Variants in ADAM28 observed in about 807,000 individuals in gnomAD.
ADAM28 encodes the protein disintegrin and metalloproteinase domain-containing protein 28.
A neutral mutation model predicts 101.2 loss-of-function variants in ADAM28; 105 were observed. That is an observed-to-expected ratio of 1.04 (90% confidence interval 0.89 to 1.22). The LOEUF (loss-of-function observed/expected upper bound fraction) is 1.22. Ranked by LOEUF, ADAM28 falls within the 50% of genes most tolerant of loss-of-function variation. ADAM28 has a pLI of 0.00. For missense variants in ADAM28, 1,028 were observed against 945.4 expected (o/e 1.09, Z -1.15); for synonymous variants, 322 against 310.6 (o/e 1.04, Z -0.39).
intron 5 of ADAM28, among the ~76,000 whole-genome samples, chr8:24,312,623 T>G (rs1001426047): frequency 6.6e-6 from 1 of 151,666 alleles, no homozygotes; most frequent in African/African-American, 2.4e-5. Context: ...TCACATCAAT[T>G]ATTATAATTA....
rs753683548 is a variant in ADAM28 at position 24,306,361 on chromosome 8, T to TAAATATATATATATATATATATATTTAA, written c.151-3516_151-3489dup. Among the ~76,000 whole-genome samples the TAAATATATATATATATATATATATTTAA allele has an allele frequency of 8.4e-3, 972 of 115,258 alleles. 14 individuals are homozygous for TAAATATATATATATATATATATATTTAA. The highest frequency in any genetic ancestry group is 0.029 in the East Asian group (95 of 3,292). 75.6% of individuals were successfully genotyped at this position (115,258 alleles called of 152,430 possible). Reference sequence around the variant, plus strand: ...TCCATCTCAAATACAAATAAATAAATAAATATATATATATATATATATATT... The same window carrying TAAATATATATATATATATATATATTTAA: ...TCCATCTCAAATACAAATAAATAAATAAATATATATATATATATATATATTTAAAAATATATATATATATATATATATT... On this transcript the variant is annotated intron_variant, in intron 2 of 22. Coordinates refer to ENST00000265769, the MANE Select transcript of ADAM28 (RefSeq NM_014265.6).
At chr8:24,350,007 T>C (rs1390700679) in intron 19 of ADAM28, 35 bp downstream of exon 19, 2 of 1,581,518 alleles carry the variant, frequency 1.3e-6, no homozygotes, top group Non-Finnish European at 1.7e-6. Flanking sequence ...TAGGGACTCT[T>C]TGACCCCTAT....
rs180830683 is a variant in ADAM28 at position 24,354,542 on chromosome 8, A to G, written c.*138A>G. 296 of 1,038,590 alleles carry G rather than the reference A, an allele frequency of 2.9e-4. 1 individual carries two copies. In the African/African-American group the frequency reaches 4.5e-3, roughly 16 times the overall value. The allele number at this position is 1,038,590 out of a possible 1,614,324, so 64.3% of individuals were successfully genotyped here. A position where few individuals can be genotyped will look rare whatever the true frequency, so the allele number is the denominator to read the frequency against. On this transcript the variant is annotated 3_prime_UTR_variant, in exon 23 of 23. Coordinates refer to ENST00000265769, the MANE Select transcript of ADAM28 (RefSeq NM_014265.6). ...AGGTTAACATTTTCTGATTCATGTT[A>G]GACTTTGAAGAGACTAAAGAAAATT...
intron 6 of ADAM28, among the ~76,000 whole-genome samples, chr8:24,315,032 TGAAAAA>T (rs756485959): frequency 1.1e-3 from 159 of 144,570 alleles, no homozygotes; most frequent in Non-Finnish European, 2.0e-3. Context: ...GAGGAAGAAA[TGAAAAA>T]GAAATCTATA....
intron 1 of ADAM28, among the ~76,000 whole-genome samples, chr8:24,298,175 A>G (rs1037449804): frequency 1.3e-5 from 2 of 152,306 alleles, no homozygotes; most frequent in South Asian, 4.1e-4. Flanking sequence ...CAAACTATTT[A>G]AAGACTCAAA....
In ADAM28 at chr8:24,330,090, A is replaced by G. The variant is rs778913712; in HGVS notation, c.1078A>G (p.Ile360Val). The G allele has an allele frequency of 1.9e-6, 3 of 1,613,404 alleles. No homozygotes were observed. Among genetic ancestry groups the G allele is most frequent in the South Asian group, 2.2e-5 (2 of 91,042 alleles). ...CTATTCTTGCAAGTGTCCTTCTACA[A>G]TATGTGTGATGGACAAAGCACTGAG... Reference protein sequence around the residue: ...DDYSCKCPSTICVMDKALSFY... With the variant: ...DDYSCKCPSTVCVMDKALSFY... Residue 360 changes from isoleucine to valine, a missense_variant, in exon 11 of 23, where the codon ATA (isoleucine) becomes GTA (valine). Coordinates refer to ENST00000265769, the MANE Select transcript of ADAM28 (RefSeq NM_014265.6).
chr8:24,347,713 T>C (rs1815572774), intron 18 of ADAM28, among the ~76,000 whole-genome samples: 2 of 152,124 alleles, frequency 1.3e-5, no homozygotes, highest in Non-Finnish European at 2.9e-5. Context: ...CATACAAGTT[T>C]AGAGTGTTGC....
chr8:24,308,550 T>A, intron 2 of ADAM28: 1 of 450,748 alleles, frequency 2.2e-6, no homozygotes, highest in South Asian at 1.6e-5. Context: ...TTCTCATGGC[T>A]TCATTCTAGC....
chr8:24,338,197 G>A (rs944975352), intron 14 of ADAM28, among the ~76,000 whole-genome samples: 5 of 152,026 alleles, frequency 3.3e-5, no homozygotes, highest in African/African-American at 1.2e-4. Flanking sequence ...GTGGATAACT[G>A]AAAAACATCT....
chr8:24,313,196 T>C (rs1810700909), intron 5 of ADAM28, among the ~76,000 whole-genome samples, 192 bp from the exon 6 acceptor site: 1 of 152,222 alleles, frequency 6.6e-6, no homozygotes, highest in Admixed American at 6.5e-5. Flanking sequence ...TCTTATTTCC[T>C]TGTAGAAAAT....
intron 14 of ADAM28, chr8:24,335,957 T>C: frequency 9.2e-7 from 1 of 1,084,802 alleles, no homozygotes; most frequent in African/African-American, 1.6e-5. Context: ...GTATCTGAAA[T>C]TCAAATTAAA....
In ADAM28 at chr8:24,358,685, C is replaced by T. The variant is rs1315092561; in HGVS notation, c.*4281C>T. 1.3e-5 allele frequency: 2 copies of T among 152,272 alleles called. No homozygotes were observed. The highest frequency in any genetic ancestry group is 3.9e-4 in the East Asian group (2 of 5,182). The allele number at this position is 152,272 out of a possible 1,614,324, so 9.4% of individuals were successfully genotyped here. On this transcript the variant is annotated 3_prime_UTR_variant, in exon 23 of 23. Coordinates refer to ENST00000265769, the MANE Select transcript of ADAM28 (RefSeq NM_014265.6). ...TAGGCCTGGGTGGTCTGCTACAATG[C>T]CCAACACTTAATACAGTATCACTAT...
At chr8:24,317,989 AC>A (rs1375503922) in intron 6 of ADAM28, among the ~76,000 whole-genome samples, 4 of 152,056 alleles carry the variant, frequency 2.6e-5, no homozygotes, top group African/African-American at 9.7e-5. Flanking sequence ...AGCCCTCAGA[AC>A]CAGAAGATGT....
At chr8:24,332,862 A>G (rs1355090310) in intron 13 of ADAM28, 113 bp downstream of exon 13, 2 of 533,478 alleles carry the variant, frequency 3.7e-6, no homozygotes, top group East Asian at 3.6e-5. Flanking sequence ...ATATAAAATG[A>G]TATATTTACT....
At chr8:24,317,397 A>T (rs1167756209) in intron 6 of ADAM28, among the ~76,000 whole-genome samples, 1 of 152,020 alleles carries the variant, frequency 6.6e-6, no homozygotes, top group Non-Finnish European at 1.5e-5. Flanking sequence ...ACGTTCAATT[A>T]ATTTTTGACA....
intron 18 of ADAM28, among the ~76,000 whole-genome samples, chr8:24,344,329 C>T (rs1319900498): frequency 2.6e-5 from 4 of 152,176 alleles, no homozygotes; most frequent in Non-Finnish European, 2.9e-5. Flanking sequence ...CATTGACGCT[C>T]CCCTCTCTGT....
At chr8:24,345,643 G>A (rs1299058439) in intron 18 of ADAM28, among the ~76,000 whole-genome samples, 1 of 151,954 alleles carries the variant, frequency 6.6e-6, no homozygotes, top group Non-Finnish European at 1.5e-5. Flanking sequence ...TTTTCTGAGA[G>A]TATACATTTT....
At chr8:24,300,564 C>A (rs1037768672) in intron 2 of ADAM28, among the ~76,000 whole-genome samples, 1 of 152,026 alleles carries the variant, frequency 6.6e-6, no homozygotes, top group Non-Finnish European at 1.5e-5. Context: ...TGCAGGCGCC[C>A]GCCACCACGC....
At chr8:24,321,362 A>G (rs1811856321) in intron 8 of ADAM28, 73 bp downstream of exon 8, 1 of 1,243,448 alleles carries the variant, frequency 8.0e-7, no homozygotes, top group Non-Finnish European at 1.2e-6. Flanking sequence ...CAATGAACGC[A>G]CATGAAGCAT....
Sources: gnomAD v4.1 joint callset for allele counts (sites outside exome capture counted in the v4.1 genomes callset) on GRCh38, gnomAD v4.1.1 for gene constraint, MANE v1.5 for transcripts, NCBI Gene and HGNC (gene_info 2026-07-23, HGNC 2026-07-21) for gene names.